The following ASTE1 variants were observed in gnomAD, a reference collection of about 807,000 sequenced individuals.
The protein encoded by ASTE1 is asteroid structure-specific endonuclease 1.
A neutral mutation model predicts 45.8 loss-of-function variants in ASTE1; 49 were observed. That is an observed-to-expected ratio of 1.07 (90% confidence interval 0.85 to 1.36). The LOEUF is 1.36. ASTE1 is among the 40% of genes most tolerant of loss of function. ASTE1 has a pLI of 0.00. For synonymous variants in ASTE1, 296 were observed against 303.9 expected (o/e 0.97, Z 0.27); for missense variants, 709 against 804.0 (o/e 0.88, Z 1.43).
At chr3:131,016,391 T>A in intron 4 of ASTE1, 52 bp from the exon 5 acceptor site, 1 of 1,588,978 alleles carries the variant, frequency 6.3e-7, no homozygotes, top group East Asian at 2.2e-5. Context: ...CTGTAACAGC[T>A]TTTCATTTTC....
At chr3:131,014,566 A>G (rs762322124) in intron 5 of ASTE1, among the ~76,000 whole-genome samples, 179 bp from the exon 6 acceptor site, 2 of 152,222 alleles carry the variant, frequency 1.3e-5, no homozygotes, top group Non-Finnish European at 2.9e-5. Flanking sequence ...AGCTGGTATG[A>G]CAAAGATTCT....
chr3:131,019,108 G>C (rs2063708501), intron 3 of ASTE1, among the ~76,000 whole-genome samples: 1 of 152,240 alleles, frequency 6.6e-6, no homozygotes, highest in African/African-American at 2.4e-5. Context: ...AGCAGCCCAA[G>C]TATTCTACTT....
rs771866089 is a variant in ASTE1, at chr3:131,014,290, G to A, written c.1807C>T (p.Leu603Phe). The A allele has an allele frequency of 6.8e-6, 11 of 1,613,856 alleles. No homozygotes were observed. The highest frequency in any genetic ancestry group is 8.5e-6 in the Non-Finnish European group (10 of 1,180,004). ...LLSICPEAKQ[L>F]YEYLFNATRS... The stretch of plus-strand genomic sequence containing the variant: ...GTGGCATTGAATAGATATTCATAAA[G>A]TTGCTTAGCCTCAGGACATATGCTC... The change falls in exon 6 of 6, where the codon CTT (leucine) becomes TTT (phenylalanine). Residue 603 changes from leucine (L) to phenylalanine (F), a missense_variant. By Grantham distance (22) the Leu-to-Phe change is conservative. Transcript: ENST00000264992.
At chr3:131,015,971 C>A in intron 5 of ASTE1, 173 bp downstream of exon 5, 1 of 807,406 alleles carries the variant, frequency 1.2e-6, no homozygotes, top group Non-Finnish European at 2.0e-6. Context: ...TAATATTTTT[C>A]CCGTTTCCAG....
At chr3:131,019,607 C>G (rs2063715224) in intron 3 of ASTE1, among the ~76,000 whole-genome samples, 1 of 152,192 alleles carries the variant, frequency 6.6e-6, no homozygotes, top group Non-Finnish European at 1.5e-5. Context: ...TTCTGGGGGA[C>G]TTTATAATCA....
chr3:131,015,987 C>A, intron 5 of ASTE1, 157 bp downstream of exon 5: 1 of 893,762 alleles, frequency 1.1e-6, no homozygotes, highest in Non-Finnish European at 1.8e-6. Flanking sequence ...TCCAGCTCTT[C>A]AGCTGTAACA....
At chr3:131,016,442 T>TA in intron 4 of ASTE1, 103 bp from the exon 5 acceptor site, 1 of 1,287,558 alleles carries the variant, frequency 7.8e-7, no homozygotes, top group Non-Finnish European at 1.1e-6. Flanking sequence ...GAAATTAATT[T>TA]AAAAAAACTA....
chr3:131,025,297 G>C lies in ASTE1; in HGVS notation c.10C>G (p.Arg4Gly), dbSNP rs199880256. The C allele has an allele frequency of 6.2e-7, 1 of 1,611,800 alleles. No individual in the cohort carries two copies. The highest frequency in any genetic ancestry group is 8.5e-7 in the Non-Finnish European group (1 of 1,178,502). ...TCTTCCACAAAACTCATTAGTCCTC[G>C]GATACCCATGATGACAGTCTAAAGA... MGI[R>G]GLMSFVEDHS... Residue 4 changes from arginine (R) to glycine (G), a missense_variant, in exon 3 of 6, where the codon CGA becomes GGA. Coordinates refer to ENST00000264992, the MANE Select transcript of ASTE1 (RefSeq NM_014065.4).
At chr3:131,015,069 G>A (rs757778083) in intron 5 of ASTE1, 12 of 500,630 alleles carry the variant, frequency 2.4e-5, no homozygotes, top group Middle Eastern at 7.1e-4. Flanking sequence ...ATTATTAAAC[G>A]AAAGAAATAA....
In ASTE1 at chr3:131,025,190, A is replaced by C; in HGVS notation, c.117T>G (p.Leu39=). 1.2e-6 allele frequency: 2 copies of C among 1,614,230 alleles called. No homozygotes were observed. The highest frequency in any genetic ancestry group is 1.7e-6 in the Non-Finnish European group (2 of 1,180,032). Residue 39 remains leucine (L), a synonymous_variant, in exon 3 of 6, where the codon CTT becomes CTG. Coordinates refer to ENST00000264992, the MANE Select transcript of ASTE1 (RefSeq NM_014065.4). ...GGAGATCCAAGTTTGAACTGAAGCA[A>C]AGACGGTGGAAAAGAGCATAACCAT... ...VIDGYALFHR[L]CFSSNLDLRY...
chr3:131,016,495 A>C, intron 4 of ASTE1, 156 bp from the exon 5 acceptor site: 2 of 805,778 alleles, frequency 2.5e-6, no homozygotes, highest in Non-Finnish European at 1.9e-6. Context: ...TTGCTGTATA[A>C]ATTGAAATAT....
Position 131,013,947 on chromosome 3 carries a change from T to C in ASTE1, c.*110A>G. The C allele has an allele frequency of 1.5e-6, 1 of 681,482 alleles. No individual in the cohort carries two copies. The highest frequency in any genetic ancestry group is 2.4e-6 in the Non-Finnish European group (1 of 421,140). The allele number at this position is 681,482 out of a possible 1,614,324, so 42.2% of individuals were successfully genotyped here. Reference sequence around the variant, plus strand: ...GGAATTCAGATTATTGTGATGTTTATCCCCTAACAGGTCAGTCCTAAAGAA... The same window carrying C: ...GGAATTCAGATTATTGTGATGTTTACCCCCTAACAGGTCAGTCCTAAAGAA... On this transcript the variant is annotated 3_prime_UTR_variant, in exon 6 of 6. Coordinates refer to ENST00000264992, the MANE Select transcript of ASTE1 (RefSeq NM_014065.4).
chr3:131,025,460 T>C lies in ASTE1; in HGVS notation c.-26+14A>G. ...TTTAGATAGAACATAGATATCAACATCATAAATTCTTACCTAGATCCTCAA... is the reference window on the plus strand; with the variant it reads ...TTTAGATAGAACATAGATATCAACACCATAAATTCTTACCTAGATCCTCAA... On this transcript the variant is annotated intron_variant, in intron 2 of 5. Coordinates refer to ENST00000264992, the MANE Select transcript of ASTE1 (RefSeq NM_014065.4). 8.1e-7 allele frequency: 1 copy of C among 1,235,200 alleles called. No individual in the cohort carries two copies. Among genetic ancestry groups the C allele is most frequent in the Non-Finnish European group, 1.1e-6 (1 of 930,100 alleles). The allele number at this position is 1,235,200 out of a possible 1,614,324, so 76.5% of individuals were successfully genotyped here.
At chr3:131,018,844 G>A in intron 3 of ASTE1, 128 bp from the exon 4 acceptor site, 1 of 918,760 alleles carries the variant, frequency 1.1e-6, no homozygotes, top group South Asian at 1.8e-5. Flanking sequence ...ATCTTCTTGT[G>A]GGAAAAAAAA....
chr3:131,025,980 A>G lies in ASTE1; in HGVS notation c.-146-386T>C, dbSNP rs1430575493. On this transcript the variant is annotated intron_variant, in intron 1 of 5. Coordinates refer to ENST00000264992, the MANE Select transcript of ASTE1 (RefSeq NM_014065.4). ...CCCCTAACCACGAGCTCTTTTCATC[A>G]TCTTATTTTGCATATCTGGCCCAGC... Among the ~76,000 whole-genome samples, 4 of 152,246 alleles carry G rather than the reference A, an allele frequency of 2.6e-5. No homozygotes were observed. In the South Asian group the frequency reaches 8.3e-4, roughly 32 times the overall value.
At chr3:131,018,019 T>G (rs929361312) in intron 4 of ASTE1, among the ~76,000 whole-genome samples, 3 of 142,112 alleles carry the variant, frequency 2.1e-5, no homozygotes, top group Non-Finnish European at 3.1e-5. Context: ...ATTTCTGCCA[T>G]CACTACTTAC....
At chr3:131,019,695 G>C (rs2063716778) in intron 3 of ASTE1, among the ~76,000 whole-genome samples, 1 of 152,334 alleles carries the variant, frequency 6.6e-6, no homozygotes, top group African/African-American at 2.4e-5. Context: ...CTGGAAAGTT[G>C]AGATGGTAAT....
In ASTE1 at chr3:131,015,591, C is replaced by T. The variant is rs371824992; in HGVS notation, c.1709+553G>A. Among the ~76,000 whole-genome samples the T allele has an allele frequency of 2.0e-4, 30 of 152,272 alleles. No homozygotes were observed. The South Asian group carries it at 5.8e-3, about 29-fold the overall frequency. On this transcript the variant is annotated intron_variant, in intron 5 of 5. Transcript: ENST00000264992. ...GGTTAAGTTCACTTGGGCATCTACT[C>T]ATCATCTCACTTAGAATGAAAGCTC...
At position 131,024,886 on chromosome 3, in the gene ASTE1, C is replaced by G. The variant is rs1456536633; in HGVS notation, c.421G>C (p.Ala141Pro). 6.2e-7 allele frequency: 1 copy of G among 1,614,194 alleles called. No individual in the cohort carries two copies. Among genetic ancestry groups the G allele is most frequent in the Admixed American group, 1.7e-5 (1 of 60,028 alleles). Residue 141 changes from alanine (A) to proline (P), a missense_variant, in exon 3 of 6, where the codon GCA (alanine) becomes CCA (proline). Physicochemically the swap from Ala to Pro is conservative, Grantham distance 27. Coordinates refer to ENST00000264992, the MANE Select transcript of ASTE1 (RefSeq NM_014065.4). ...RVCFVQCFSE[A>P]DRDIMTLANH... is the part of the protein sequence containing the mutation. ...GCAAGTGTCATAATGTCCCGATCTG[C>G]TTCTGAAAAGCACTGGACAAAACAC...
Sources: allele counts gnomAD v4.1 joint callset (sites outside exome capture counted in the v4.1 genomes callset), GRCh38; gene constraint gnomAD v4.1.1; transcripts MANE v1.5; gene names NCBI Gene and HGNC (gene_info 2026-07-23, HGNC 2026-07-21).